The following EXOSC8 variants were observed in gnomAD, a reference collection of about 807,000 sequenced individuals.
EXOSC8 encodes exosome complex component RRP43.
Under a neutral mutation model 39.9 loss-of-function variants are expected in EXOSC8, and 37 were observed. The observed-to-expected ratio is 0.93, with a 90% CI of 0.71 to 1.22. The LOEUF (loss-of-function observed/expected upper bound fraction) is 1.22, where lower values mean the gene tolerates loss of function less well. Ranked by LOEUF, EXOSC8 falls within the 50% of genes most tolerant of loss-of-function variation. The pLI, the probability that EXOSC8 is intolerant of heterozygous loss-of-function variation, is 0.00. For missense variants in EXOSC8, 313 were observed against 326.6 expected (o/e 0.96, Z 0.32); for synonymous variants, 93 against 109.5 (o/e 0.85, Z 0.94).
rs377658785 is a variant in EXOSC8, at chr13:37,005,300, G to A, written c.239-620G>A. On this transcript the variant is annotated intron_variant, in intron 5 of 10. Transcript: ENST00000389704. ...AAAACAGTTGGATGTTAGCAGAGGG[G>A]CTATATATACTTCAGTTACAGATTG... 1.6e-4 allele frequency among the ~76,000 whole-genome samples: 25 copies of A among 152,176 alleles called. 1 individual carries two copies. The highest frequency in any genetic ancestry group is 5.8e-4 in the African/African-American group (24 of 41,516).
chr13:37,005,862 C>CA lies in EXOSC8; in HGVS notation c.239-35dup, dbSNP rs59234766. The CA allele has an allele frequency of 0.36, 105,489 of 292,418 alleles. 17,015 individuals are homozygous for CA. Among genetic ancestry groups the CA allele is most frequent in the African/African-American group, 0.51 (10,173 of 20,028 alleles). The allele number at this position is 292,418 out of a possible 1,614,324, so 18.1% of individuals were successfully genotyped here. ...CTGGCAACAGAGCAAGACTCCATCTCAAAAAAAAAAAAAAAAAAAAAAAGG... is the reference window on the plus strand; with the variant it reads ...CTGGCAACAGAGCAAGACTCCATCTCAAAAAAAAAAAAAAAAAAAAAAAAGG... On this transcript the variant is annotated intron_variant, in intron 5 of 10. Coordinates refer to ENST00000389704, the MANE Select transcript of EXOSC8 (RefSeq NM_181503.3).
intron 9 of EXOSC8, 124 bp downstream of exon 9, chr13:37,008,301 A>G (rs559377120): frequency 1.3e-6 from 1 of 770,924 alleles, no homozygotes; most frequent in South Asian, 1.6e-5. Context: ...TGGACACTTG[A>G]GTTTCTACTT....
Position 37,002,844 on chromosome 13 carries a change from G to A in EXOSC8, c.119-90G>A, listed in dbSNP as rs951526964. The A allele has an allele frequency of 3.4e-6, 3 of 875,270 alleles. No individual in the cohort carries two copies. In the African/African-American group the frequency reaches 5.0e-5, roughly 15 times the overall value. 54.2% of individuals were successfully genotyped at this position (875,270 alleles called of 1,614,324 possible). A position where few individuals can be genotyped will look rare whatever the true frequency, so the allele number is the denominator to read the frequency against. The stretch of plus-strand genomic sequence containing the variant: ...AGGGGTAGCAAGATAATCGTACACA[G>A]CAAACTAAAACACTTAATTTTAATT... On this transcript the variant is annotated intron_variant, in intron 3 of 10. Coordinates refer to ENST00000389704, the MANE Select transcript of EXOSC8 (RefSeq NM_181503.3).
chr13:37,006,998 T>C lies in EXOSC8; in HGVS notation c.414T>C (p.Asp138=). 4 of 1,611,854 alleles carry C rather than the reference T, an allele frequency of 2.5e-6. No homozygotes were observed. The East Asian group carries it at 6.7e-5, about 27-fold the overall frequency. The part of the protein sequence containing the change: ...PGKLVWVLYC[D]LICLDYDGNI... ...AGCTTGTCTGGGTTCTATACTGTGA[T>C]CTCATTTGCCTCGACTACGATGGAA... Residue 138 remains aspartate, a synonymous_variant, in exon 8 of 11, where the codon GAT becomes GAC. Coordinates refer to ENST00000389704, the MANE Select transcript of EXOSC8 (RefSeq NM_181503.3).
chr13:37,007,050 T>G lies in EXOSC8; in HGVS notation c.466T>G (p.Leu156Val). 6.2e-7 allele frequency: 1 copy of G among 1,612,370 alleles called. No homozygotes were observed. The highest frequency in any genetic ancestry group is 1.1e-5 in the South Asian group (1 of 91,054). The change falls in exon 8 of 11, where the codon TTG becomes GTG. Residue 156 changes from leucine to valine, a missense_variant. Coordinates refer to ENST00000389704, the MANE Select transcript of EXOSC8 (RefSeq NM_181503.3). ...GNILDACTFALLAALKNVQLP... is the reference protein window; with the variant it reads ...GNILDACTFAVLAALKNVQLP... Reference sequence around the variant, plus strand: ...CATTTTGGATGCCTGCACATTTGCTTTGCTAGCGGCTTTAAAAAATGGTAA... The same window carrying G: ...CATTTTGGATGCCTGCACATTTGCTGTGCTAGCGGCTTTAAAAAATGGTAA...
Position 37,005,922 on chromosome 13 carries a change from C to A in EXOSC8, c.241C>A (p.Pro81Thr). 2 of 1,416,436 alleles carry A rather than the reference C, an allele frequency of 1.4e-6. No homozygotes were observed. The highest frequency in any genetic ancestry group is 2.0e-6 in the Non-Finnish European group (2 of 1,009,044). 87.7% of individuals were successfully genotyped at this position (1,416,436 alleles called of 1,614,324 possible). ...TAGCTGCAGAGTGTTTCTTTCAGTT[C>A]CTAATGTGGATCTACCACCCCTGTG... The part of the protein sequence containing the change: ...TDAPDKGYVV[P>T]NVDLPPLCSS... Residue 81 changes from proline to threonine, a missense_variant and splice_region_variant, in exon 6 of 11, where the codon CCT becomes ACT. Physicochemically the swap from Pro to Thr is conservative, Grantham distance 38 (BLOSUM62 -1). Coordinates refer to ENST00000389704, the MANE Select transcript of EXOSC8 (RefSeq NM_181503.3).
At chr13:37,007,184 C>A in intron 8 of EXOSC8, 113 bp downstream of exon 8, 1 of 719,342 alleles carries the variant, frequency 1.4e-6, no homozygotes. Context: ...GAATGTAATG[C>A]TGACATGACT....
chr13:37,005,232 A>G (rs2059130496), intron 5 of EXOSC8, among the ~76,000 whole-genome samples: 1 of 152,186 alleles, frequency 6.6e-6, no homozygotes, highest in South Asian at 2.1e-4. Flanking sequence ...CCTTGGAACC[A>G]TCTGTTCTTT....
At chr13:37,002,576 A>G (rs1339321718) in intron 3 of EXOSC8, 25 bp downstream of exon 3, 5 of 1,483,562 alleles carry the variant, frequency 3.4e-6, no homozygotes, top group Non-Finnish European at 4.6e-6. Flanking sequence ...TCCACTTTCA[A>G]CTGTATGATA....
At position 37,008,127 on chromosome 13, in the gene EXOSC8, T is replaced by C; in HGVS notation, c.558T>C (p.Tyr186=). Residue 186 remains tyrosine, a synonymous_variant, in exon 9 of 11, where the codon TAT becomes TAC. Coordinates refer to ENST00000389704, the MANE Select transcript of EXOSC8 (RefSeq NM_181503.3). ...AAGTTAATTTAAAGAAGAAAAGTTA[T>C]TTGAATATTAGAACTCATCCAGTTG... ...LAEVNLKKKS[Y]LNIRTHPVAT... 2 of 1,597,546 alleles carry C rather than the reference T, an allele frequency of 1.3e-6. No homozygotes were observed. The highest frequency in any genetic ancestry group is 1.7e-6 in the Non-Finnish European group (2 of 1,172,436).
At chr13:37,005,288 G>A (rs1002605838) in intron 5 of EXOSC8, among the ~76,000 whole-genome samples, 1 of 152,102 alleles carries the variant, frequency 6.6e-6, no homozygotes, top group African/African-American at 2.4e-5. Context: ...ACAGTTGGAT[G>A]TTAGCAGAGG....
intron 2 of EXOSC8, 82 bp downstream of exon 2, chr13:37,002,391 C>A: frequency 7.2e-7 from 1 of 1,386,348 alleles, no homozygotes; most frequent in Non-Finnish European, 1.0e-6. Context: ...TAAATTAATC[C>A]ATTTGAAGTA....
rs774105844 is a variant in EXOSC8, at chr13:37,000,826, A to C, written c.17+4A>C. Reference sequence around the variant, plus strand: ...GGAAGATGGCGGCTGGGTTCAAGTGAGTGTTGGCGGGTGGCGGGTAGAGTT... The same window carrying C: ...GGAAGATGGCGGCTGGGTTCAAGTGCGTGTTGGCGGGTGGCGGGTAGAGTT... On this transcript the variant is annotated splice_donor_region_variant and intron_variant, in intron 1 of 10. Transcript: ENST00000389704. 2 of 1,575,032 alleles carry C rather than the reference A, an allele frequency of 1.3e-6. No individual in the cohort carries two copies. Among genetic ancestry groups the C allele is most frequent in the Admixed American group, 3.6e-5 (2 of 54,850 alleles).
At chr13:37,008,198 T>C in intron 9 of EXOSC8, 21 bp downstream of exon 9, 1 of 1,580,710 alleles carries the variant, frequency 6.3e-7, no homozygotes, top group Admixed American at 1.8e-5. Flanking sequence ...CAAACTTACT[T>C]TAAAATTTTC....
chr13:37,008,081 A>T lies in EXOSC8; in HGVS notation c.512A>T (p.Asn171Ile). 6.3e-7 allele frequency: 1 copy of T among 1,597,458 alleles called. No individual in the cohort carries two copies. The highest frequency in any genetic ancestry group is 8.5e-7 in the Non-Finnish European group (1 of 1,170,982). ...KNVQLPEVTI[N>I]EETALAEVNL... ...GTACAGTTGCCTGAAGTTACTATAA[A>T]TGAAGAAACTGCTTTAGCAGAAGTT... Residue 171 changes from asparagine (N) to isoleucine (I), a missense_variant, in exon 9 of 11, where the codon AAT (asparagine) becomes ATT (isoleucine). Transcript: ENST00000389704.
At chr13:37,005,315 G>C (rs2059131096) in intron 5 of EXOSC8, among the ~76,000 whole-genome samples, 1 of 152,026 alleles carries the variant, frequency 6.6e-6, no homozygotes, top group African/African-American at 2.4e-5. Flanking sequence ...ATATACTTCA[G>C]TTACAGATTG....
chr13:37,007,567 T>A (rs1175789970), intron 8 of EXOSC8, among the ~76,000 whole-genome samples: 1 of 152,166 alleles, frequency 6.6e-6, no homozygotes, highest in African/African-American at 2.4e-5. Context: ...TAATTGGAGG[T>A]GGAATATAAA....
At position 37,008,050 on chromosome 13, in the gene EXOSC8, T is replaced by TG; in HGVS notation, c.488-7_488-6insG. The TG allele has an allele frequency of 6.3e-7, 1 of 1,579,204 alleles. No individual in the cohort carries two copies. Among genetic ancestry groups the TG allele is most frequent in the South Asian group, 1.2e-5 (1 of 86,172 alleles). ...CTTACTTACTTTACAAATTTGCCTT[T>TG]TCTTAGTACAGTTGCCTGAAGTTAC... On this transcript the variant is annotated splice_region_variant and splice_polypyrimidine_tract_variant and intron_variant, in intron 8 of 10. Coordinates refer to ENST00000389704, the MANE Select transcript of EXOSC8 (RefSeq NM_181503.3).
chr13:37,006,831 G>A (rs1403188542), intron 7 of EXOSC8, 144 bp from the exon 8 acceptor site: 1 of 579,852 alleles, frequency 1.7e-6, no homozygotes, highest in Non-Finnish European at 3.1e-6. Flanking sequence ...CTTTAAAAAG[G>A]TGAAGCATTT....
Sources: allele counts gnomAD v4.1 joint callset (sites outside exome capture counted in the v4.1 genomes callset), GRCh38; gene constraint gnomAD v4.1.1; transcripts MANE v1.5; gene names NCBI Gene and HGNC (gene_info 2026-07-23, HGNC 2026-07-21).